Variants in MUC5B observed in about 807,000 individuals in gnomAD.
The protein encoded by MUC5B is mucin 5B, oligomeric mucus/gel-forming, also known as mucin-5B.
Under a neutral mutation model 376.9 loss-of-function variants are expected in MUC5B, and 116 were observed. The ratio of observed to expected loss-of-function variants is 0.31; its 90% CI spans 0.26 to 0.36. MUC5B has a LOEUF of 0.36. MUC5B is among the 10% of genes least tolerant of loss of function. The probability of loss-of-function intolerance (pLI) is 1.00; values close to 1 mark genes in which losing one functional copy is unlikely to be tolerated. For synonymous variants in MUC5B, 3,517 were observed against 3,390.9 expected, an observed-to-expected ratio of 1.04 and a Z score of -1.29; for missense variants, 7,165 against 7,769.9, an observed-to-expected ratio of 0.92 and a Z score of 2.93.
intron 31 of MUC5B, 135 bp from the exon 32 acceptor site, chr11:1,252,208 C>G (rs1862722055): frequency 2.4e-6 from 2 of 850,314 alleles, no homozygotes; most frequent in Admixed American, 2.9e-5. Flanking sequence ...TGGCCACACT[C>G]AGCCTCTGCC....
At position 1,257,999 on chromosome 11, in the gene MUC5B, C is replaced by T. The variant is rs1564953670; in HGVS notation, c.16451-100C>T. ...GAGCCCCCAGGGGCTGTGAAGCGGT[C>T]AGGTCCTCGGGGAAAAGCACGCCTG... On this transcript the variant is annotated intron_variant, in intron 41 of 48. Coordinates refer to ENST00000529681, the MANE Select transcript of MUC5B (RefSeq NM_002458.3). This position sits in a 1 kb window ranked among gnomAD's most constrained non-coding sequence, Gnocchi z 8.9. The T allele has an allele frequency of 6.5e-6, 8 of 1,233,948 alleles. No individual in the cohort carries two copies. Among genetic ancestry groups the T allele is most frequent in the Non-Finnish European group, 8.0e-6 (7 of 875,248 alleles). The allele number at this position is 1,233,948 out of a possible 1,614,324, so 76.4% of individuals were successfully genotyped here.
intron 3 of MUC5B, 67 bp downstream of exon 3, chr11:1,226,343 A>G (rs773168225): frequency 6.6e-7 from 1 of 1,520,704 alleles, no homozygotes; most frequent in African/African-American, 1.4e-5. Flanking sequence ...GGGGGCCCAG[A>G]TCTAGGGGTG....
chr11:1,240,248 T>A lies in MUC5B; in HGVS notation c.3843T>A (p.Leu1281=). The change falls in exon 30 of 49, where the codon CTT becomes CTA. Residue 1281 remains leucine (L), a synonymous_variant. Coordinates refer to ENST00000529681, the MANE Select transcript of MUC5B (RefSeq NM_002458.3). ...TCATCTACAACACCACCGATGGGCT[T>A]GGCGCCTGCTTGATCGCCATCTGCG... ...QDVIYNTTDG[L]GACLIAICGS... is the part of the protein sequence containing the mutation. The A allele has an allele frequency of 6.2e-7, 1 of 1,613,670 alleles. No homozygotes were observed. The highest frequency in any genetic ancestry group is 8.5e-7 in the Non-Finnish European group (1 of 1,179,676).
In MUC5B at chr11:1,259,708, T is replaced by C. The variant is rs550433719; in HGVS notation, c.16714-48T>C. On this transcript the variant is annotated intron_variant, in intron 44 of 48. Transcript: ENST00000529681. Reference sequence around the variant, plus strand: ...CAGGAGGGCAGGCTGGGCCGGGGCATGTGCTGGAGGAGAGGGTTAGGGCCT... The same window carrying C: ...CAGGAGGGCAGGCTGGGCCGGGGCACGTGCTGGAGGAGAGGGTTAGGGCCT... 4.4e-6 allele frequency: 7 copies of C among 1,595,136 alleles called. No individual in the cohort carries two copies. In the East Asian group the frequency reaches 8.9e-5, roughly 20 times the overall value.
intron 1 of MUC5B, among the ~76,000 whole-genome samples, chr11:1,224,419 C>A (rs530020290): frequency 7.0e-6 from 1 of 142,268 alleles, no homozygotes; most frequent in Non-Finnish European, 1.5e-5. Flanking sequence ...GGGCACTGCA[C>A]GGAGCAGATA....
At position 1,261,722 on chromosome 11, in the gene MUC5B, C is replaced by A; in HGVS notation, c.*114C>A. ...AGCCCCCCGGCCTGTGTGTGGCACCCCGCGCTCCGTGCTCCTGCTGCCCAC... is the reference window on the plus strand; with the variant it reads ...AGCCCCCCGGCCTGTGTGTGGCACCACGCGCTCCGTGCTCCTGCTGCCCAC... On this transcript the variant is annotated 3_prime_UTR_variant, in exon 49 of 49. Coordinates refer to ENST00000529681, the MANE Select transcript of MUC5B (RefSeq NM_002458.3). 9.2e-7 allele frequency: 1 copy of A among 1,084,948 alleles called. No individual in the cohort carries two copies. The highest frequency in any genetic ancestry group is 1.4e-6 in the Non-Finnish European group (1 of 734,840). The allele number at this position is 1,084,948 out of a possible 1,614,324, so 67.2% of individuals were successfully genotyped here. A position where few individuals can be genotyped will look rare whatever the true frequency, so the allele number is the denominator to read the frequency against.
chr11:1,251,517 G>A lies in MUC5B; in HGVS notation c.14637G>A (p.Val4879=). The change falls in exon 31 of 49, where the codon GTG becomes GTA. Residue 4879 remains valine, a synonymous_variant. Coordinates refer to ENST00000529681, the MANE Select transcript of MUC5B (RefSeq NM_002458.3). Reference sequence around the variant, plus strand: ...TGGGAACAGCTCACACCCCCAAAGTGGTGACCACCATGGCCACTATGCCCA... The same window carrying A: ...TGGGAACAGCTCACACCCCCAAAGTAGTGACCACCATGGCCACTATGCCCA... ...STLGTAHTPK[V]VTTMATMPTA... 6.2e-7 allele frequency: 1 copy of A among 1,613,230 alleles called. No homozygotes were observed. Among genetic ancestry groups the A allele is most frequent in the Non-Finnish European group, 8.5e-7 (1 of 1,179,856 alleles).
In MUC5B at chr11:1,241,929, C is replaced by T. The variant is rs1172454964; in HGVS notation, c.5049C>T (p.Pro1683=). 1.2e-6 allele frequency: 2 copies of T among 1,608,942 alleles called. No homozygotes were observed. The highest frequency in any genetic ancestry group is 1.7e-6 in the Non-Finnish European group (2 of 1,177,946). The change falls in exon 31 of 49, where the codon CCC becomes CCT. Residue 1683 remains proline, a synonymous_variant. Coordinates refer to ENST00000529681, the MANE Select transcript of MUC5B (RefSeq NM_002458.3). ...GPTTPAGSTE[P]TVPGVATSTL... is the part of the protein sequence containing the mutation. Reference sequence around the variant, plus strand: ...CGACGCCTGCAGGCTCCACAGAACCCACTGTCCCAGGGGTGGCCACATCCA... The same window carrying T: ...CGACGCCTGCAGGCTCCACAGAACCTACTGTCCCAGGGGTGGCCACATCCA...
chr11:1,229,285 C>T lies in MUC5B; in HGVS notation c.1092C>T (p.Phe364=). 2.5e-6 allele frequency: 4 copies of T among 1,577,274 alleles called. No homozygotes were observed. Among genetic ancestry groups the T allele is most frequent in the Non-Finnish European group, 3.4e-6 (4 of 1,165,966 alleles). Residue 364 remains phenylalanine (F), a synonymous_variant, in exon 9 of 49, where the codon TTC becomes TTT. Coordinates refer to ENST00000529681, the MANE Select transcript of MUC5B (RefSeq NM_002458.3). ...LCEDHCVDGC[F]CPPGTVLDDI... ...AGGACCACTGTGTGGACGGCTGCTT[C>T]TGCCCCCCAGGCAGGTCTTGTGTGC...
In MUC5B at chr11:1,246,197, C is replaced by A. The variant is rs1192091099; in HGVS notation, c.9317C>A (p.Ser3106Tyr). 6.2e-7 allele frequency: 1 copy of A among 1,612,554 alleles called. No individual in the cohort carries two copies. Among genetic ancestry groups the A allele is most frequent in the Non-Finnish European group, 8.5e-7 (1 of 1,179,464 alleles). ...TCCACTCCGGAGACCACCCACACCT[C>A]CACAGTGCTGACCACGAAGGCCACC... ...PSSTPETTHT[S>Y]TVLTTKATTT... Residue 3106 changes from serine to tyrosine, a missense_variant, in exon 31 of 49, where the codon TCC (serine) becomes TAC (tyrosine). This residue lies in a region of MUC5B where 939 missense variants were observed against 770.6 expected (regional missense o/e 1.22). Transcript: ENST00000529681.
chr11:1,229,173 G>C lies in MUC5B; in HGVS notation c.980G>C (p.Arg327Pro), dbSNP rs969709815. Residue 327 changes from arginine to proline, a missense_variant, in exon 9 of 49, where the codon CGG becomes CCG. Around this residue, in one of 31 missense-constraint regions of MUC5B, gnomAD observed 640 missense variants for 733.0 expected, o/e 0.87. Transcript: ENST00000529681. ...AGCCCCACCTCCTTTTGCGCAGCCC[G>C]GACCTGCCCCCTCAACATGCAGCAC... is the stretch of plus-strand genomic sequence containing the variant. ...RNWRCPELCP[R>P]TCPLNMQHQE... The C allele has an allele frequency of 6.3e-7, 1 of 1,592,292 alleles. No homozygotes were observed. The highest frequency in any genetic ancestry group is 8.5e-7 in the Non-Finnish European group (1 of 1,174,242).
rs1490779341 is a variant in MUC5B, at chr11:1,239,507, G to C, written c.3524G>C (p.Cys1175Ser). ...CACTACCAGCCCTGCGGGGCACCCT[G>C]CCTAAAAACCTGCCGGAACCCCAGT... ...EWHYQPCGAP[C>S]LKTCRNPSGH... Residue 1175 changes from cysteine to serine, a missense_variant, in exon 27 of 49, where the codon TGC becomes TCC. By Grantham distance (112) the Cys-to-Ser change is moderately radical. Coordinates refer to ENST00000529681, the MANE Select transcript of MUC5B (RefSeq NM_002458.3). The C allele has an allele frequency of 2.5e-6, 4 of 1,604,846 alleles. No individual in the cohort carries two copies.
In MUC5B at chr11:1,251,000, C is replaced by A. The variant is rs751053596; in HGVS notation, c.14120C>A (p.Pro4707Gln). ...ACTCCAGGGACAACACCCATCACCC[C>A]AGTGCTGACCAGCACGGCCACCACA... is the stretch of plus-strand genomic sequence containing the variant. The part of the protein sequence containing the change: ...SSTPGTTPIT[P>Q]VLTSTATTPA... Residue 4707 changes from proline (P) to glutamine (Q), a missense_variant, in exon 31 of 49, where the codon CCA becomes CAA. This residue lies in a region of MUC5B where 730 missense variants were observed against 592.7 expected (regional missense o/e 1.23). Transcript: ENST00000529681. 4 of 1,610,354 alleles carry A rather than the reference C, an allele frequency of 2.5e-6. No individual in the cohort carries two copies. In the South Asian group the frequency reaches 4.4e-5, roughly 18 times the overall value.
Position 1,225,028 on chromosome 11 carries a change from G to T in MUC5B, c.71-653G>T, listed in dbSNP as rs540860981. ...GCCTCCTCCCAGCCTCCATGGGGTT[G>T]GTGGGTGAGGCCTTGCCCGGAGGCG... On this transcript the variant is annotated intron_variant, in intron 1 of 48. Coordinates refer to ENST00000529681, the MANE Select transcript of MUC5B (RefSeq NM_002458.3). Among the ~76,000 whole-genome samples the T allele has an allele frequency of 5.9e-5, 9 of 152,322 alleles. No homozygotes were observed. In the South Asian group the frequency reaches 1.9e-3, roughly 32 times the overall value.
chr11:1,260,306 G>T (rs781363922), intron 46 of MUC5B, 45 bp from the exon 47 acceptor site: 5 of 1,598,036 alleles, frequency 3.1e-6, no homozygotes, highest in South Asian at 1.1e-5. Flanking sequence ...ACCCACCAGG[G>T]AGGCCCCGCC....
At chr11:1,260,154 G>T in intron 46 of MUC5B, 69 bp downstream of exon 46, 1 of 1,577,332 alleles carries the variant, frequency 6.3e-7, no homozygotes, top group Non-Finnish European at 8.6e-7. Flanking sequence ...CCCTGTCTGG[G>T]ATGCCCTGCA....
At chr11:1,223,403 A>T in intron 1 of MUC5B, 2 of 634,318 alleles carry the variant, frequency 3.2e-6, no homozygotes, top group Non-Finnish European at 2.9e-6. Context: ...GCTGGCTTGG[A>T]TGGGGTGTCC....
In MUC5B at chr11:1,257,649, C is replaced by T. The variant is rs752419309; in HGVS notation, c.16389C>T (p.Pro5463=). 5.5e-5 allele frequency: 87 copies of T among 1,593,890 alleles called. No individual in the cohort carries two copies. Among genetic ancestry groups the T allele is most frequent in the Middle Eastern group, 3.3e-4 (2 of 6,074 alleles). ...GTCAGCCCCCGCCGTGCAACCGTCC[C>T]GGCTTCGTAACCGTGACCAGGCCCC... ...AQGQPPPCNR[P]GFVTVTRPRA... The change falls in exon 41 of 49, where the codon CCC becomes CCT. Residue 5463 remains proline, a synonymous_variant. Coordinates refer to ENST00000529681, the MANE Select transcript of MUC5B (RefSeq NM_002458.3). This position sits in a 1 kb window ranked among gnomAD's most constrained non-coding sequence, Gnocchi z 8.9.
At chr11:1,229,084 T>C in intron 8 of MUC5B, 86 bp from the exon 9 acceptor site, 1 of 1,401,722 alleles carries the variant, frequency 7.1e-7, no homozygotes, top group Non-Finnish European at 9.4e-7. Flanking sequence ...TGATGGCATG[T>C]GGAAGGCCGT....
Sources: gnomAD v4.1 joint callset for allele counts (sites outside exome capture counted in the v4.1 genomes callset) on GRCh38, gnomAD v4.1.1 for gene constraint, gnomAD v4.1.1 regional missense constraint, Gnocchi (gnomAD v3.1) non-coding constraint, MANE v1.5 for transcripts, NCBI Gene and HGNC (gene_info 2026-07-23, HGNC 2026-07-21) for gene names.